Variants in GALNT10 observed in about 807,000 individuals in gnomAD.
GALNT10 encodes the protein GalNAc transferase 10.
In GALNT10, 41 loss-of-function variants were observed where a neutral mutation model predicts 75.0. The ratio of observed to expected loss-of-function variants is 0.55; its 90% CI spans 0.43 to 0.71. GALNT10 has a LOEUF of 0.71. Ranked by LOEUF, GALNT10 falls within the 30% of genes least tolerant of loss-of-function variation. The pLI is 0.00. For synonymous variants in GALNT10, 302 were observed against 313.0 expected (o/e 0.96, Z 0.37); for missense variants, 727 against 818.5 (o/e 0.89, Z 1.36).
rs142364912 is a variant in GALNT10 at position 154,404,122 on chromosome 5, C to T, written c.1075C>T (p.Arg359Cys). 58 of 1,613,404 alleles carry T rather than the reference C, an allele frequency of 3.6e-5. No homozygotes were observed. In the Middle Eastern group the frequency reaches 5.0e-4, roughly 14 times the overall value. The change falls in exon 8 of 12, where the codon CGC becomes TGC. Residue 359 changes from arginine (R) to cysteine (C), a missense_variant. Physicochemically the swap from Arg to Cys is radical, Grantham distance 180. Coordinates refer to ENST00000297107, the MANE Select transcript of GALNT10 (RefSeq NM_198321.4). ...CATGCAGGTGTGGATGTGTGGGGGC[C>T]GCATGGAGGACATCCCCTGCTCCAG... ...ISFKVWMCGGRMEDIPCSRVG... is the reference protein window; with the variant it reads ...ISFKVWMCGGCMEDIPCSRVG...
intron 1 of GALNT10, among the ~76,000 whole-genome samples, chr5:154,242,683 C>T (rs912402902): frequency 6.6e-6 from 1 of 152,192 alleles, no homozygotes; most frequent in African/African-American, 2.4e-5. Flanking sequence ...CAGAGCCCTC[C>T]TCTGTGTGAC....
chr5:154,215,061 C>T (rs1380568821), intron 1 of GALNT10, among the ~76,000 whole-genome samples: 1 of 152,164 alleles, frequency 6.6e-6, no homozygotes, highest in Non-Finnish European at 1.5e-5. Flanking sequence ...TTGTGTGATT[C>T]TTAAAAATTA....
chr5:154,203,990 T>TAAAGCTTTATTTGCA (rs1455021203), intron 1 of GALNT10, among the ~76,000 whole-genome samples: 4 of 152,216 alleles, frequency 2.6e-5, no homozygotes, highest in African/African-American at 9.6e-5. Flanking sequence ...TGTGTTCCAA[T>TAAAGCTTTATTTGCA]AAAGCTTTAT....
chr5:154,219,170 C>T (rs1752930889), intron 1 of GALNT10, among the ~76,000 whole-genome samples: 1 of 152,220 alleles, frequency 6.6e-6, no homozygotes, highest in Admixed American at 6.5e-5. Flanking sequence ...ATCTACTCCC[C>T]GACATGTGCT....
intron 3 of GALNT10, among the ~76,000 whole-genome samples, chr5:154,313,340 CT>C (rs1419309354): frequency 2.0e-5 from 3 of 151,268 alleles, no homozygotes; most frequent in African/African-American, 7.3e-5. Flanking sequence ...TTATAACCAT[CT>C]TAAAACTAGA....
intron 3 of GALNT10, among the ~76,000 whole-genome samples, chr5:154,320,673 C>T (rs959543686): frequency 6.6e-6 from 1 of 152,110 alleles, no homozygotes; most frequent in Non-Finnish European, 1.5e-5. Flanking sequence ...GGAGCAGATT[C>T]CCAGAGAATG....
intron 4 of GALNT10, among the ~76,000 whole-genome samples, chr5:154,338,940 C>T (rs1156380942): frequency 2.6e-5 from 4 of 152,180 alleles, no homozygotes; most frequent in Non-Finnish European, 4.4e-5. Flanking sequence ...CGGGCAGTGT[C>T]GGCCAATAAG....
intron 8 of GALNT10, among the ~76,000 whole-genome samples, chr5:154,404,937 G>T (rs1402714683): frequency 6.6e-6 from 1 of 152,206 alleles, no homozygotes; most frequent in Non-Finnish European, 1.5e-5. Flanking sequence ...ATGGAAATCT[G>T]TCAGCCAGAG....
chr5:154,311,726 T>C (rs1461986936), intron 3 of GALNT10, among the ~76,000 whole-genome samples: 1 of 152,018 alleles, frequency 6.6e-6, no homozygotes, highest in African/African-American at 2.4e-5. Flanking sequence ...ATTCTCATGC[T>C]CAGCCTCTCG....
At chr5:154,415,538 CA>C (rs1756486684) in intron 10 of GALNT10, among the ~76,000 whole-genome samples, 1 of 152,108 alleles carries the variant, frequency 6.6e-6, no homozygotes, top group South Asian at 2.1e-4. Context: ...GGGGTTTCAC[CA>C]CGTTAGCCAG....
intron 3 of GALNT10, among the ~76,000 whole-genome samples, chr5:154,322,557 C>T (rs1012955782): frequency 1.3e-5 from 2 of 152,032 alleles, no homozygotes; most frequent in Non-Finnish European, 2.9e-5. Context: ...TCACAGGTTC[C>T]GGGGATTAGG....
intron 1 of GALNT10, among the ~76,000 whole-genome samples, chr5:154,209,992 C>A (rs1037461989): frequency 1.3e-5 from 2 of 152,106 alleles, no homozygotes; most frequent in Admixed American, 1.3e-4. Flanking sequence ...GGCTTTGTCA[C>A]TAAATGAGTT....
chr5:154,369,928 G>C (rs1179728232), intron 4 of GALNT10, among the ~76,000 whole-genome samples: 1 of 152,208 alleles, frequency 6.6e-6, no homozygotes, highest in Non-Finnish European at 1.5e-5. Flanking sequence ...CGTCCTGCCA[G>C]AGCATGGGAC....
chr5:154,361,095 A>G (rs1755379490), intron 4 of GALNT10, among the ~76,000 whole-genome samples: 1 of 152,008 alleles, frequency 6.6e-6, no homozygotes, highest in Non-Finnish European at 1.5e-5. Context: ...GTATCTTTCC[A>G]TGGGTTGTTT....
rs756672155 is a variant in GALNT10, at chr5:154,409,589, A to G, written c.1213A>G (p.Ile405Val). 1.2e-6 allele frequency: 2 copies of G among 1,614,008 alleles called. No individual in the cohort carries two copies. Among genetic ancestry groups the G allele is most frequent in the African/African-American group, 1.3e-5 (1 of 74,912 alleles). The change falls in exon 9 of 12, where the codon ATT becomes GTT. Residue 405 changes from isoleucine (I) to valine (V), a missense_variant. Physicochemically the swap from Ile to Val is conservative, Grantham distance 29. Transcript: ENST00000297107. This position sits in a 1 kb window ranked among gnomAD's most constrained non-coding sequence, Gnocchi z 4.5. Reference sequence around the variant, plus strand: ...GTGGATGGATGAGTACGCAGAGTACATTTACCAGCGCCGGCCTGAATACCG... The same window carrying G: ...GTGGATGGATGAGTACGCAGAGTACGTTTACCAGCGCCGGCCTGAATACCG... ...EVWMDEYAEY[I>V]YQRRPEYRHL... is the part of the protein sequence containing the mutation.
rs547636847 is a variant in GALNT10, at chr5:154,321,208, C to T, written c.402-8364C>T. Among the ~76,000 whole-genome samples the T allele has an allele frequency of 3.3e-5, 5 of 152,318 alleles. No individual in the cohort carries two copies. In the South Asian group the frequency reaches 8.3e-4, roughly 25 times the overall value. On this transcript the variant is annotated intron_variant, in intron 3 of 11. Transcript: ENST00000297107. ...CATTTCAAAGTAAGTTGCAAAGTGA[C>T]TCCTGCCCATTTTGACAGTTGAACA...
intron 10 of GALNT10, 48 bp from the exon 11 acceptor site, chr5:154,415,735 G>C: frequency 1.3e-6 from 2 of 1,535,906 alleles, no homozygotes; most frequent in Non-Finnish European, 1.8e-6. Context: ...GAGAAAAAAA[G>C]AAAGTCCTTG....
chr5:154,329,841 C>T, intron 4 of GALNT10, 103 bp downstream of exon 4: 1 of 733,988 alleles, frequency 1.4e-6, no homozygotes, highest in South Asian at 1.8e-5. Context: ...ACATATAGGC[C>T]ATCATTGGCT....
intron 3 of GALNT10, among the ~76,000 whole-genome samples, chr5:154,310,741 G>A (rs1213840164): frequency 2.0e-5 from 3 of 152,074 alleles, no homozygotes; most frequent in Admixed American, 6.6e-5. Flanking sequence ...CAAAGTGCTG[G>A]GATTACAGGC....
Sources: gnomAD v4.1 joint callset for allele counts (sites outside exome capture counted in the v4.1 genomes callset) on GRCh38, gnomAD v4.1.1 for gene constraint, Gnocchi (gnomAD v3.1) non-coding constraint, MANE v1.5 for transcripts, NCBI Gene and HGNC (gene_info 2026-07-23, HGNC 2026-07-21) for gene names.